The following FOCAD variants were observed in gnomAD, a reference collection of about 807,000 sequenced individuals.
FOCAD encodes KIAA1797.
Under a neutral mutation model 225.6 loss-of-function variants are expected in FOCAD, and 198 were observed. The ratio of observed to expected loss-of-function variants is 0.88; its 90% CI spans 0.78 to 0.99. The LOEUF is 0.99. FOCAD is among the 50% of genes least tolerant of loss of function. The probability of loss-of-function intolerance (pLI) is 0.00; values close to 1 mark genes in which losing one functional copy is unlikely to be tolerated. For missense variants in FOCAD, 2,713 were observed against 2,123.6 expected (o/e 1.28, Z -5.46); for synonymous variants, 897 against 755.0 (o/e 1.19, Z -3.08).
intron 15 of FOCAD, among the ~76,000 whole-genome samples, chr9:20,847,410 T>G (rs1197234734): frequency 6.6e-6 from 1 of 152,114 alleles, no homozygotes; most frequent in Non-Finnish European, 1.5e-5. Context: ...GTCTAAATTC[T>G]TATAATGCTG....
chr9:20,932,997 C>T lies in FOCAD; in HGVS notation c.3318-17C>T, dbSNP rs1013463760. On this transcript the variant is annotated splice_polypyrimidine_tract_variant and intron_variant, in intron 27 of 43. Coordinates refer to ENST00000338382, the MANE Select transcript of FOCAD (RefSeq NM_001375567.1). ...TAATTTTAAATAATTCATTGTTTCC[C>T]CTTGATCTTTAACCAGTGATATATC... 1 of 1,579,182 alleles carries T rather than the reference C, an allele frequency of 6.3e-7. No homozygotes were observed. Among genetic ancestry groups the T allele is most frequent in the African/African-American group, 1.3e-5 (1 of 74,100 alleles).
At chr9:20,697,835 G>A (rs1183780721) in intron 1 of FOCAD, among the ~76,000 whole-genome samples, 1 of 152,244 alleles carries the variant, frequency 6.6e-6, no homozygotes, top group Non-Finnish European at 1.5e-5. Flanking sequence ...ACACAGTGGA[G>A]GAACACTTGA....
intron 2 of FOCAD, among the ~76,000 whole-genome samples, chr9:20,669,467 G>C (rs1248549626): frequency 6.6e-6 from 1 of 152,128 alleles, no homozygotes; most frequent in South Asian, 2.1e-4. Flanking sequence ...TTCATAAATT[G>C]TAAGGCCAGT....
intron 5 of FOCAD, among the ~76,000 whole-genome samples, chr9:20,744,803 T>C (rs1827915359): frequency 6.6e-6 from 1 of 152,224 alleles, no homozygotes; most frequent in East Asian, 1.9e-4. Flanking sequence ...AAAGTTTTTA[T>C]GTGAAATCTC....
At chr9:20,952,952 A>C in intron 34 of FOCAD, 33 bp from the exon 35 acceptor site, 5 of 1,559,228 alleles carry the variant, frequency 3.2e-6, no homozygotes, top group Non-Finnish European at 3.5e-6. Context: ...TGCCAAGTTC[A>C]CTGGTTAATT....
Position 20,915,470 on chromosome 9 carries a change from A to G in FOCAD, c.2808-1423A>G, listed in dbSNP as rs115919931. ...ACCAACTGTGTCAAATACTGTTGTT[A>G]GGCTGCAGAAGATAGGGACTGAGAA... On this transcript the variant is annotated intron_variant, in intron 23 of 43. Transcript: ENST00000338382. 7.4e-3 allele frequency among the ~76,000 whole-genome samples: 1,122 copies of G among 152,304 alleles called. 11 individuals carry two copies. Among genetic ancestry groups the G allele is most frequent in the Middle Eastern group, 0.027 (8 of 294 alleles).
At chr9:20,755,419 T>C (rs1297559630) in intron 5 of FOCAD, among the ~76,000 whole-genome samples, 1 of 152,228 alleles carries the variant, frequency 6.6e-6, no homozygotes, top group Non-Finnish European at 1.5e-5. Flanking sequence ...TTAGAATTGT[T>C]TGCCACATAT....
chr9:20,834,607 G>C (rs1185510246), intron 15 of FOCAD, among the ~76,000 whole-genome samples: 1 of 152,078 alleles, frequency 6.6e-6, no homozygotes, highest in African/African-American at 2.4e-5. Context: ...AACATGTTCA[G>C]TGAAAGAAGC....
chr9:20,975,635 A>G (rs1340935632), intron 35 of FOCAD, among the ~76,000 whole-genome samples: 2 of 152,240 alleles, frequency 1.3e-5, no homozygotes, highest in Non-Finnish European at 2.9e-5. Flanking sequence ...GGAAAACTAG[A>G]TAAAAAGACA....
At chr9:20,850,767 C>A (rs1827567705) in intron 15 of FOCAD, among the ~76,000 whole-genome samples, 1 of 150,552 alleles carries the variant, frequency 6.6e-6, no homozygotes, top group Non-Finnish European at 1.5e-5. Context: ...CATAATTGCT[C>A]TTTAATATTA....
chr9:20,994,983 T>TATA (rs386414633), intron 43 of FOCAD, among the ~76,000 whole-genome samples: 3 of 151,742 alleles, frequency 2.0e-5, no homozygotes, highest in African/African-American at 7.3e-5. Flanking sequence ...AAATAAGATA[T>TATA]AAAAAATTAC....
At chr9:20,779,698 C>T (rs571784958) in intron 9 of FOCAD, among the ~76,000 whole-genome samples, 48 of 151,440 alleles carry the variant, frequency 3.2e-4, no homozygotes, top group African/African-American at 9.9e-4. Context: ...TGTAGTGAGC[C>T]GAGATCGCGC....
At chr9:20,667,344 T>C (rs948065869) in intron 2 of FOCAD, among the ~76,000 whole-genome samples, 1 of 152,256 alleles carries the variant, frequency 6.6e-6, no homozygotes, top group Admixed American at 6.5e-5. Flanking sequence ...TGAAATGGAC[T>C]TATAAATCTT....
At position 20,981,462 on chromosome 9, in the gene FOCAD, C is replaced by T; in HGVS notation, c.4414C>T (p.Leu1472=). Reference sequence around the variant, plus strand: ...GAGATATCTCCTGATATCTGCACCTCTGTGGATAAAACACATCTCTGATGA... The same window carrying T: ...GAGATATCTCCTGATATCTGCACCTTTGTGGATAAAACACATCTCTGATGA... ...TKRYLLISAP[L]WIKHISDEQI... Residue 1472 remains leucine (L), a synonymous_variant, in exon 38 of 44, where the codon CTG becomes TTG. Transcript: ENST00000338382. The T allele has an allele frequency of 6.2e-7, 1 of 1,614,154 alleles. No individual in the cohort carries two copies. Among genetic ancestry groups the T allele is most frequent in the Non-Finnish European group, 8.5e-7 (1 of 1,179,992 alleles).
At chr9:20,757,011 C>A (rs924552257) in intron 5 of FOCAD, among the ~76,000 whole-genome samples, 12 of 152,094 alleles carry the variant, frequency 7.9e-5, no homozygotes, top group Non-Finnish European at 1.3e-4. Context: ...TTCACCGCAA[C>A]CTCCGCCTCC....
chr9:20,705,789 C>A (rs1824330676), intron 1 of FOCAD, among the ~76,000 whole-genome samples: 1 of 151,148 alleles, frequency 6.6e-6, no homozygotes, highest in South Asian at 2.1e-4. Flanking sequence ...GATTCATAAG[C>A]CCTTAGATTT....
intron 2 of FOCAD, among the ~76,000 whole-genome samples, chr9:20,670,477 A>G (rs547357885): frequency 6.6e-5 from 10 of 152,318 alleles, no homozygotes; most frequent in Admixed American, 5.9e-4. Context: ...AAGGGGAAGC[A>G]AGGCACATCT....
intron 7 of FOCAD, 64 bp from the exon 8 acceptor site, chr9:20,769,968 G>C (rs1818024375): frequency 1.4e-6 from 2 of 1,422,678 alleles, no homozygotes; most frequent in Non-Finnish European, 1.9e-6. Context: ...AGCTTTTTGT[G>C]TACTTTAAAA....
Position 20,990,268 on chromosome 9 carries a change from G to GC in FOCAD, c.5151dup (p.Arg1718GlnfsTer19). On this transcript the variant is annotated frameshift_variant, in exon 42 of 44. Coordinates refer to ENST00000338382, the MANE Select transcript of FOCAD (RefSeq NM_001375567.1). LOFTEE classifies it high-confidence loss of function. ...GCTGGGCCAGTACCAAGCTTCCTTGGCAGGAGTCCAATGCACAGGGTCACT... is the reference window on the plus strand; with the variant it reads ...GCTGGGCCAGTACCAAGCTTCCTTGGCCAGGAGTCCAATGCACAGGGTCACT... The GC allele has an allele frequency of 6.2e-7, 1 of 1,614,160 alleles. No individual in the cohort carries two copies. Among genetic ancestry groups the GC allele is most frequent in the Non-Finnish European group, 8.5e-7 (1 of 1,180,034 alleles).
Sources: allele counts gnomAD v4.1 joint callset (sites outside exome capture counted in the v4.1 genomes callset), GRCh38; gene constraint gnomAD v4.1.1; transcripts MANE v1.5; gene names NCBI Gene and HGNC (gene_info 2026-07-23, HGNC 2026-07-21).